OPCML: variants seen among roughly 807,000 people sequenced by gnomAD.
OPCML encodes the protein opioid-binding protein/cell adhesion molecule.
A neutral mutation model predicts 37.8 loss-of-function variants in OPCML; 13 were observed. The observed-to-expected ratio is 0.34, with a 90% CI of 0.22 to 0.55. The LOEUF (loss-of-function observed/expected upper bound fraction) is 0.55. OPCML is among the 20% of genes least tolerant of loss of function. The pLI is 0.91. For missense variants in OPCML, 341 were observed against 435.6 expected, an observed-to-expected ratio of 0.78 and a Z score of 1.93; for synonymous variants, 176 against 168.8, an observed-to-expected ratio of 1.04 and a Z score of -0.33.
At chr11:133,175,886 A>C (rs1174552219) in intron 1 of OPCML, among the ~76,000 whole-genome samples, 5 of 152,214 alleles carry the variant, frequency 3.3e-5, no homozygotes, top group African/African-American at 1.2e-4. Flanking sequence ...CCATAAAAAA[A>C]AGTCGTGCCT....
rs2096278819 is a variant in OPCML at position 132,515,980 on chromosome 11, T to C, written c.505+13081A>G. Among the ~76,000 whole-genome samples the C allele has an allele frequency of 2.6e-5, 4 of 152,154 alleles. No individual in the cohort carries two copies. In the South Asian group the frequency reaches 8.3e-4, roughly 32 times the overall value. ...ACCAATTTGTAAAAATCAAATTGTA[T>C]CTGTTGAGGTAAGTCATCCCAACTC... is the stretch of plus-strand genomic sequence containing the variant. On this transcript the variant is annotated intron_variant, in intron 4 of 7. Transcript: ENST00000524381.
chr11:133,315,584 A>C (rs2136607000), intron 1 of OPCML, among the ~76,000 whole-genome samples: 1 of 152,340 alleles, frequency 6.6e-6, no homozygotes, highest in Admixed American at 6.5e-5. Context: ...GGATTACTTG[A>C]GGTCAAGAGT....
At chr11:133,006,035 G>A (rs943089770) in intron 1 of OPCML, 1 of 985,334 alleles carries the variant, frequency 1.0e-6, no homozygotes, top group South Asian at 4.7e-5. Context: ...GGCCTTCGTA[G>A]GGAGAGCCAT....
chr11:133,229,795 G>A (rs1032728990), intron 1 of OPCML, among the ~76,000 whole-genome samples: 1 of 152,170 alleles, frequency 6.6e-6, no homozygotes, highest in Admixed American at 6.5e-5. Flanking sequence ...CCACAAGACC[G>A]CACTTTGTTT....
intron 1 of OPCML, among the ~76,000 whole-genome samples, chr11:133,247,438 G>A (rs1284201187): frequency 2.0e-5 from 3 of 152,138 alleles, no homozygotes; most frequent in Non-Finnish European, 2.9e-5. Flanking sequence ...CAATTGGGGA[G>A]ATGAGTATTC....
At chr11:132,832,220 C>CT (rs1246873320) in intron 2 of OPCML, among the ~76,000 whole-genome samples, 1,504 of 125,174 alleles carry the variant, frequency 0.012, 13 homozygotes, top group African/African-American at 0.031. Context: ...TTCCCAACCT[C>CT]TTTTTTTTTT....
At chr11:132,837,787 G>T (rs1400144612) in intron 2 of OPCML, among the ~76,000 whole-genome samples, 2 of 152,144 alleles carry the variant, frequency 1.3e-5, no homozygotes, top group Admixed American at 6.5e-5. Context: ...CATGGCGGGG[G>T]AAGGCGGGCA....
At chr11:133,049,462 A>G (rs1354170256) in intron 1 of OPCML, among the ~76,000 whole-genome samples, 1 of 152,198 alleles carries the variant, frequency 6.6e-6, no homozygotes, top group Non-Finnish European at 1.5e-5. Flanking sequence ...TCAGTAAGCA[A>G]CTTGACTTCT....
At chr11:133,437,608 C>G (rs1946262785) in intron 1 of OPCML, among the ~76,000 whole-genome samples, 1 of 150,536 alleles carries the variant, frequency 6.6e-6, no homozygotes, top group African/African-American at 2.5e-5. Context: ...CCATGCACTT[C>G]AAAACCTCTG....
At chr11:132,441,075 A>G (rs2096030979) in intron 4 of OPCML, among the ~76,000 whole-genome samples, 1 of 151,012 alleles carries the variant, frequency 6.6e-6, no homozygotes, top group African/African-American at 2.4e-5. Context: ...GAGAGGGAGG[A>G]GGAAGGAAAG....
At chr11:133,143,006 G>T (rs922918879) in intron 1 of OPCML, among the ~76,000 whole-genome samples, 2 of 152,178 alleles carry the variant, frequency 1.3e-5, no homozygotes, top group Admixed American at 1.3e-4. Flanking sequence ...GATACCTGCA[G>T]TCCAACCTCT....
chr11:133,494,136 G>A (rs1341324155), intron 1 of OPCML, among the ~76,000 whole-genome samples: 1 of 152,080 alleles, frequency 6.6e-6, no homozygotes, highest in Non-Finnish European at 1.5e-5. Context: ...ACCATCACTG[G>A]CCATCAGAGA....
At chr11:133,146,972 C>G (rs534995398) in intron 1 of OPCML, among the ~76,000 whole-genome samples, 41 of 152,314 alleles carry the variant, frequency 2.7e-4, no homozygotes, top group African/African-American at 9.4e-4. Flanking sequence ...GGTGCCTTCC[C>G]CTGCAAGCTT....
In OPCML at chr11:133,216,394, C is replaced by T. The variant is rs140202156; in HGVS notation, c.62-273384G>A. On this transcript the variant is annotated intron_variant, in intron 1 of 7. Transcript: ENST00000524381. ...CCTCTTATGAGCCCTTTGGATGGTA[C>T]GTATTAGACGAATTTGTTCAAAACA... is the stretch of plus-strand genomic sequence containing the variant. Among the ~76,000 whole-genome samples, 84 of 152,230 alleles carry T rather than the reference C, an allele frequency of 5.5e-4. 2 individuals are homozygous for T. In the East Asian group the frequency reaches 0.016, roughly 29 times the overall value.
intron 1 of OPCML, among the ~76,000 whole-genome samples, chr11:133,430,541 A>G (rs182029505): frequency 6.6e-6 from 1 of 152,366 alleles, no homozygotes; most frequent in East Asian, 1.9e-4. Context: ...CACAACAGAA[A>G]AGAAAAAAAT....
At chr11:133,000,591 T>C (rs1299638321) in intron 1 of OPCML, among the ~76,000 whole-genome samples, 1 of 152,152 alleles carries the variant, frequency 6.6e-6, no homozygotes, top group African/African-American at 2.4e-5. Flanking sequence ...TTTCTCACAC[T>C]GACAAAATCC....
intron 2 of OPCML, among the ~76,000 whole-genome samples, chr11:132,887,106 A>C (rs1943450809): frequency 6.6e-6 from 1 of 152,226 alleles, no homozygotes; most frequent in Non-Finnish European, 1.5e-5. Context: ...ACAACATTTA[A>C]GTTACTGACA....
chr11:132,860,342 T>C (rs1400617501), intron 2 of OPCML: 1 of 152,224 alleles, frequency 6.6e-6, no homozygotes, highest in East Asian at 1.9e-4. Context: ...AGTTATACTA[T>C]GTGCCCACTG....
chr11:133,140,946 CGACGAAGAAGAAGAAGAAGAAGAA>C (rs1949795525), intron 1 of OPCML, among the ~76,000 whole-genome samples: 1 of 4,650 alleles, frequency 2.2e-4, no homozygotes, highest in African/African-American at 4.0e-4. Context: ...AAGAAGAAGA[CGACGAAGAAGAAGAAGAAGAAGAA>C]GAAGAAGAAG....
Sources: allele counts gnomAD v4.1 joint callset (sites outside exome capture counted in the v4.1 genomes callset), GRCh38; gene constraint gnomAD v4.1.1; transcripts MANE v1.5; gene names NCBI Gene and HGNC (gene_info 2026-07-23, HGNC 2026-07-21).